C7orf57: variants seen among roughly 807,000 people sequenced by gnomAD.
C7orf57 encodes chromosome 7 open reading frame 57, also known as uncharacterized protein C7orf57.
In C7orf57, 33 loss-of-function variants were observed where a neutral mutation model predicts 39.0. That is an observed-to-expected ratio of 0.85 (90% confidence interval 0.64 to 1.13). The LOEUF is 1.13. Ranked by LOEUF, C7orf57 falls within the 50% of genes most tolerant of loss-of-function variation. The pLI is 0.00. For synonymous variants in C7orf57, 124 were observed against 137.1 expected, an observed-to-expected ratio of 0.90 and a Z score of 0.67; for missense variants, 346 against 362.3, an observed-to-expected ratio of 0.95 and a Z score of 0.37.
At chr7:48,042,975 T>G in intron 3 of C7orf57, among the ~76,000 whole-genome samples, 1 of 152,132 alleles carries the variant, frequency 6.6e-6, no homozygotes, top group East Asian at 1.9e-4. Context: ...TTTCAGGGGC[T>G]TGTATCCTAC....
intron 8 of C7orf57, among the ~76,000 whole-genome samples, chr7:48,054,939 C>G (rs976837420): frequency 6.6e-6 from 1 of 152,014 alleles, no homozygotes; most frequent in South Asian, 2.1e-4. Flanking sequence ...TGCAGTGGCG[C>G]GATCTCCGCT....
At chr7:48,040,716 C>T (rs1239756694) in intron 2 of C7orf57, among the ~76,000 whole-genome samples, 1 of 152,126 alleles carries the variant, frequency 6.6e-6, no homozygotes, top group East Asian at 1.9e-4. Flanking sequence ...TGGAGAGAGG[C>T]TGCCGAGCTG....
At chr7:48,054,728 C>T (rs994914707) in intron 8 of C7orf57, 122 bp downstream of exon 8, 2 of 763,780 alleles carry the variant, frequency 2.6e-6, no homozygotes, top group Non-Finnish European at 4.3e-6. Flanking sequence ...CTTCTCCAAA[C>T]TGCATGCATT....
chr7:48,057,879 T>C (rs916054586), intron 8 of C7orf57, among the ~76,000 whole-genome samples: 1 of 152,196 alleles, frequency 6.6e-6, no homozygotes, highest in African/African-American at 2.4e-5. Flanking sequence ...AAGGTGATCA[T>C]ATGGTTTTTG....
intron 5 of C7orf57, 37 bp downstream of exon 5, chr7:48,046,653 G>C (rs527770988): frequency 4.4e-5 from 70 of 1,590,514 alleles, no homozygotes; most frequent in Non-Finnish European, 5.7e-5. Flanking sequence ...ATCCGCATCC[G>C]CTTTGCTTCT....
intron 5 of C7orf57, among the ~76,000 whole-genome samples, chr7:48,048,663 C>T (rs1302167966): frequency 6.6e-6 from 1 of 152,072 alleles, no homozygotes; most frequent in Non-Finnish European, 1.5e-5. Context: ...CTAAGGCGTC[C>T]CTTGTGTACC....
chr7:48,046,303 G>T (rs1790710063), intron 4 of C7orf57, among the ~76,000 whole-genome samples, 157 bp from the exon 5 acceptor site: 1 of 151,706 alleles, frequency 6.6e-6, no homozygotes, highest in Non-Finnish European at 1.5e-5. Flanking sequence ...GGGAGAGAGA[G>T]GGAGAGAGAG....
intron 5 of C7orf57, 26 bp from the exon 6 acceptor site, chr7:48,049,854 A>T: frequency 6.3e-7 from 1 of 1,591,382 alleles, no homozygotes; most frequent in Non-Finnish European, 8.6e-7. Flanking sequence ...CCACTAACTC[A>T]AGGTTTTGTG....
rs1790329825 is a variant in C7orf57, at chr7:48,035,683, C to CT, written c.-102+55dup. On this transcript the variant is annotated intron_variant, in intron 1 of 8. Transcript: ENST00000348904. This position sits in a 1 kb window ranked among gnomAD's most constrained non-coding sequence, Gnocchi z 4.0. ...GGGGGCGCCCACTGTGGTCCCGGGC[C>CT]TTGTCCACTGTGCGGAGCTCGCAGT... 1 of 622,754 alleles carries CT rather than the reference C, an allele frequency of 1.6e-6. No homozygotes were observed. Among genetic ancestry groups the CT allele is most frequent in the South Asian group, 1.8e-5 (1 of 56,020 alleles). The allele number at this position is 622,754 out of a possible 1,614,324, so 38.6% of individuals were successfully genotyped here. A position where few individuals can be genotyped will look rare whatever the true frequency, so the allele number is the denominator to read the frequency against.
chr7:48,054,718 C>A (rs200363113), intron 8 of C7orf57, 112 bp downstream of exon 8: 3 of 824,424 alleles, frequency 3.6e-6, no homozygotes, highest in Non-Finnish European at 3.9e-6. Flanking sequence ...CTGGAATGTC[C>A]TTCTCCAAAC....
At chr7:48,047,015 G>A (rs1790737647) in intron 5 of C7orf57, among the ~76,000 whole-genome samples, 1 of 152,194 alleles carries the variant, frequency 6.6e-6, no homozygotes, top group African/African-American at 2.4e-5. Context: ...AATAAAGGAA[G>A]AGAAGATGAA....
intron 6 of C7orf57, among the ~76,000 whole-genome samples, chr7:48,051,758 C>CTTTCTTTCT (rs1168975751): frequency 2.2e-4 from 5 of 22,372 alleles, no homozygotes; most frequent in African/African-American, 4.9e-4. Flanking sequence ...TCTTTTCTTT[C>CTTTCTTTCT]TTTCTTTCTT....
Position 48,041,495 on chromosome 7 carries a change from C to T in C7orf57, c.217C>T (p.Leu73Phe), listed in dbSNP as rs756380619. ...AGAAACAGATTCGGAATATGTGAAGCTCGCGAAACAAGGTGGCAGGCCCGG... is the reference window on the plus strand; with the variant it reads ...AGAAACAGATTCGGAATATGTGAAGTTCGCGAAACAAGGTGGCAGGCCCGG... ...IKETDSEYVK[L>F]AKQGGRPDLL... Residue 73 changes from leucine to phenylalanine, a missense_variant, in exon 3 of 9, where the codon CTC becomes TTC. By Grantham distance (22) the Leu-to-Phe change is conservative (BLOSUM62 0). Transcript: ENST00000348904. The T allele has an allele frequency of 4.3e-6, 7 of 1,610,558 alleles. No individual in the cohort carries two copies. The highest frequency in any genetic ancestry group is 5.1e-6 in the Non-Finnish European group (6 of 1,177,576).
chr7:48,050,118 G>A, intron 6 of C7orf57, 141 bp downstream of exon 6: 2 of 649,136 alleles, frequency 3.1e-6, no homozygotes, highest in South Asian at 1.8e-5. Flanking sequence ...GGCTGTGCCT[G>A]TCGCCTCCTC....
At position 48,043,551 on chromosome 7, in the gene C7orf57, T is replaced by TA; in HGVS notation, c.313dup (p.Ile105AsnfsTer26). 1 of 1,613,980 alleles carries TA rather than the reference T, an allele frequency of 6.2e-7. No homozygotes were observed. The highest frequency in any genetic ancestry group is 8.5e-7 in the Non-Finnish European group (1 of 1,179,884). On this transcript the variant is annotated frameshift_variant, in exon 4 of 9. Transcript: ENST00000348904. LOFTEE classifies it high-confidence loss of function. ...TGGCCTACTCCCTGCCAGACTGGTA[T>TA]ATCCACCACAGCAAGCCACCGACAG...
Position 48,052,703 on chromosome 7 carries a change from TG to T in C7orf57, c.611del (p.Gly204ValfsTer95), listed in dbSNP as rs1467921764. On this transcript the variant is annotated frameshift_variant, in exon 7 of 9. Transcript: ENST00000348904. LOFTEE classifies it high-confidence loss of function. Reference sequence around the variant, plus strand: ...CATTACTTTTACTCTTTTTAAGGCCTGGTCAAAAAAACAGTTCACCTACCAA... The same window carrying T: ...CATTACTTTTACTCTTTTTAAGGCCTGTCAAAAAAACAGTTCACCTACCAA... ...GSRLSFPPVPGQKNSSPTNFS... is the reference protein window; with the variant it reads ...GSRLSFPPVPXQKNSSPTNFS... 2 of 1,613,402 alleles carry T rather than the reference TG, an allele frequency of 1.2e-6. No homozygotes were observed. Among genetic ancestry groups the T allele is most frequent in the Admixed American group, 3.3e-5 (2 of 59,994 alleles).
chr7:48,051,795 T>TTTCTTTCTTTCTTTCCTTCC (rs1562629842), intron 6 of C7orf57, among the ~76,000 whole-genome samples: 7 of 77,600 alleles, frequency 9.0e-5, no homozygotes, highest in South Asian at 4.8e-4. Flanking sequence ...TCTTTCTTTC[T>TTTCTTTCTTTCTTTCCTTCC]TTCCTTCCTT....
At chr7:48,039,277 T>C (rs753678502) in intron 2 of C7orf57, among the ~76,000 whole-genome samples, 1 of 152,226 alleles carries the variant, frequency 6.6e-6, no homozygotes, top group African/African-American at 2.4e-5. Context: ...GATGCTATAC[T>C]AGAGTCAGGT....
chr7:48,054,408 CTCTCA>C (rs1791049812), intron 7 of C7orf57, among the ~76,000 whole-genome samples, 182 bp from the exon 8 acceptor site: 2 of 113,490 alleles, frequency 1.8e-5, no homozygotes, highest in Non-Finnish European at 3.5e-5. Flanking sequence ...GAGGGAAACT[CTCTCA>C]AAAAAAAAAA....
Sources: allele counts gnomAD v4.1 joint callset (sites outside exome capture counted in the v4.1 genomes callset), GRCh38; gene constraint gnomAD v4.1.1; non-coding constraint Gnocchi (gnomAD v3.1); transcripts MANE v1.5; gene names NCBI Gene and HGNC (gene_info 2026-07-23, HGNC 2026-07-21).